NEIL3: variants seen among roughly 807,000 people sequenced by gnomAD.
NEIL3 encodes the protein nei like DNA glycosylase 3.
NEIL3 carries 48 observed loss-of-function variants against 57.5 expected under a neutral mutation model. The observed-to-expected ratio is 0.83, with a 90% CI of 0.66 to 1.06. The LOEUF is 1.06. Among genes scored for constraint, NEIL3 ranks in the 50% least tolerant of loss-of-function variants. The pLI is 0.00. For missense variants in NEIL3, 717 were observed against 739.1 expected, an observed-to-expected ratio of 0.97 and a Z score of 0.35; for synonymous variants, 261 against 253.2, an observed-to-expected ratio of 1.03 and a Z score of -0.29.
chr4:177,346,924 C>T (rs1202156232), intron 6 of NEIL3, among the ~76,000 whole-genome samples: 3 of 150,942 alleles, frequency 2.0e-5, no homozygotes, highest in African/African-American at 4.9e-5. Context: ...ATTGCTTCAA[C>T]GCGGGAGGTG....
chr4:177,330,301 A>G (rs945699398), intron 2 of NEIL3, among the ~76,000 whole-genome samples: 3 of 152,246 alleles, frequency 2.0e-5, no homozygotes, highest in African/African-American at 7.2e-5. Flanking sequence ...TTTGAACTGA[A>G]TGAAAATGAA....
At chr4:177,347,054 A>T (rs1735236107) in intron 6 of NEIL3, among the ~76,000 whole-genome samples, 1 of 152,122 alleles carries the variant, frequency 6.6e-6, no homozygotes, top group Non-Finnish European at 1.5e-5. Context: ...CATGTATAAG[A>T]CATGAGGCGA....
chr4:177,335,463 C>T (rs1734955354), intron 2 of NEIL3, among the ~76,000 whole-genome samples: 1 of 152,036 alleles, frequency 6.6e-6, no homozygotes, highest in Non-Finnish European at 1.5e-5. Context: ...AGTTATTTTA[C>T]TTTTGAGTTG....
chr4:177,356,199 T>G (rs1301352411), intron 8 of NEIL3, among the ~76,000 whole-genome samples: 1 of 152,336 alleles, frequency 6.6e-6, no homozygotes, highest in East Asian at 1.9e-4. Context: ...TTTATTTCCT[T>G]AATGCTTTGT....
intron 1 of NEIL3, among the ~76,000 whole-genome samples, chr4:177,316,328 G>A (rs1734573852): frequency 6.6e-6 from 1 of 152,092 alleles, no homozygotes; most frequent in South Asian, 2.1e-4. Flanking sequence ...TTCTAGGACT[G>A]GTTGCTAAAC....
chr4:177,366,974 C>A (rs1735701182), downstream of NEIL3, among the ~76,000 whole-genome samples: 1 of 152,148 alleles, frequency 6.6e-6, no homozygotes, highest in African/African-American at 2.4e-5. Flanking sequence ...TTTTCCATTT[C>A]TATTACTTCC....
chr4:177,322,041 T>C (rs1252722241), intron 1 of NEIL3, among the ~76,000 whole-genome samples: 2 of 152,246 alleles, frequency 1.3e-5, no homozygotes, highest in African/African-American at 4.8e-5. Context: ...TATTTTATCA[T>C]CTGTCATTTG....
intron 4 of NEIL3, 151 bp downstream of exon 4, chr4:177,336,472 G>A (rs1734981700): frequency 1.5e-5 from 10 of 647,980 alleles, no homozygotes; most frequent in Admixed American, 2.9e-5. Context: ...ATTTCTCAGT[G>A]CAGCCGGCTC....
chr4:177,333,125 C>T (rs551415333), intron 2 of NEIL3, among the ~76,000 whole-genome samples: 2 of 151,874 alleles, frequency 1.3e-5, no homozygotes, highest in East Asian at 1.9e-4. Flanking sequence ...ACATTTTCCA[C>T]TCTTTATTAC....
At chr4:177,354,781 G>A (rs1041843659) in intron 8 of NEIL3, among the ~76,000 whole-genome samples, 27 of 152,036 alleles carry the variant, frequency 1.8e-4, no homozygotes, top group African/African-American at 4.1e-4. Context: ...TACGCCTGGC[G>A]TTGTTCTTTA....
intron 7 of NEIL3, among the ~76,000 whole-genome samples, chr4:177,352,519 G>A (rs1012716039): frequency 1.3e-5 from 2 of 152,064 alleles, no homozygotes; most frequent in East Asian, 3.9e-4. Context: ...ACTCTGTTGT[G>A]AAACATTGTA....
At chr4:177,313,094 A>C (rs1183509380) in intron 1 of NEIL3, among the ~76,000 whole-genome samples, 2 of 152,222 alleles carry the variant, frequency 1.3e-5, no homozygotes, top group Non-Finnish European at 2.9e-5. Context: ...GGCAGCATTT[A>C]AAAATAATTT....
the NEIL3 span, among the ~76,000 whole-genome samples, chr4:177,370,148 A>G: frequency 6.6e-6 from 1 of 152,238 alleles, no homozygotes; most frequent in Non-Finnish European, 1.5e-5. Flanking sequence ...CCAATGAGAC[A>G]TCAAAAATTT....
rs6817838 is a variant in NEIL3, at chr4:177,313,846, G to A, written c.156+3737G>A. 8.0e-3 allele frequency among the ~76,000 whole-genome samples: 1,223 copies of A among 152,262 alleles called. 14 individuals are homozygous for A. Among genetic ancestry groups the A allele is most frequent in the African/African-American group, 0.028 (1,160 of 41,548 alleles). On this transcript the variant is annotated intron_variant, in intron 1 of 9. Coordinates refer to ENST00000264596, the MANE Select transcript of NEIL3 (RefSeq NM_018248.3). ...AGTTGAATGGATGGAGAAGAACAAG[G>A]TTTTGAATAGTGCAAAGTGATTAAA...
chr4:177,345,404 G>A (rs1735194145), intron 6 of NEIL3, among the ~76,000 whole-genome samples: 1 of 152,094 alleles, frequency 6.6e-6, no homozygotes, highest in African/African-American at 2.4e-5. Context: ...ATCTAGTTTG[G>A]AAATGTGGCT....
intron 8 of NEIL3, 97 bp from the exon 9 acceptor site, chr4:177,360,406 C>A: frequency 1.3e-6 from 1 of 792,716 alleles, no homozygotes; most frequent in Non-Finnish European, 1.9e-6. Flanking sequence ...GATAGAATTT[C>A]TTGGTACAAG....
At position 177,353,455 on chromosome 4, in the gene NEIL3, G is replaced by C; in HGVS notation, c.1187G>C (p.Ser396Thr). 6.2e-7 allele frequency: 1 copy of C among 1,613,752 alleles called. No individual in the cohort carries two copies. The highest frequency in any genetic ancestry group is 8.5e-7 in the Non-Finnish European group (1 of 1,179,950). ...GTTTLVLTDF[S>T]NKSSTLERKT... is the part of the protein sequence containing the mutation. The stretch of plus-strand genomic sequence containing the variant: ...ACAACTCTTGTCTTGACTGATTTTA[G>C]CAATAAATCCAGTACTTTGGAAAGA... Residue 396 changes from serine to threonine, a missense_variant, in exon 8 of 10, where the codon AGC becomes ACC. Transcript: ENST00000264596.
chr4:177,340,787 G>A (rs1735076190), intron 5 of NEIL3, among the ~76,000 whole-genome samples: 1 of 152,128 alleles, frequency 6.6e-6, no homozygotes, highest in African/African-American at 2.4e-5. Context: ...AGTGCTGATG[G>A]AAACTCAAGA....
intron 6 of NEIL3, among the ~76,000 whole-genome samples, chr4:177,345,131 G>A (rs984071654): frequency 7.4e-4 from 113 of 152,140 alleles, no homozygotes; most frequent in Non-Finnish European, 2.2e-4. Flanking sequence ...TGTTGTAAAG[G>A]GACATGTTTA....
Sources: gnomAD v4.1 joint callset for allele counts (sites outside exome capture counted in the v4.1 genomes callset) on GRCh38, gnomAD v4.1.1 for gene constraint, MANE v1.5 for transcripts, NCBI Gene and HGNC (gene_info 2026-07-23, HGNC 2026-07-21) for gene names.